The following CERKL variants were observed in gnomAD, a reference collection of about 807,000 sequenced individuals.
The protein encoded by CERKL is ceramide kinase-like protein.
Under a neutral mutation model 63.4 loss-of-function variants are expected in CERKL, and 61 were observed. That is an observed-to-expected ratio of 0.96 (90% CI 0.78 to 1.19). The LOEUF is 1.19. Ranked by LOEUF, CERKL falls within the 50% of genes most tolerant of loss-of-function variation. CERKL has a pLI of 0.00. For synonymous variants in CERKL, 250 were observed against 230.5 expected (o/e 1.08, Z -0.77); for missense variants, 675 against 655.5 (o/e 1.03, Z -0.33).
rs1373948657 is a variant in CERKL at position 181,537,937 on chromosome 2, CAT to C, written c.*245_*246del. 1.6e-6 allele frequency: 1 copy of C among 608,566 alleles called. No homozygotes were observed. The highest frequency in any genetic ancestry group is 2.1e-5 in the Admixed American group (1 of 47,042). The allele number at this position is 608,566 out of a possible 1,614,324, so 37.7% of individuals were successfully genotyped here. ...CAGATCAGCAGCAGCATTAGATTCT[CAT>C]AGAAGTGCGAACCATATGGTGAACT... On this transcript the variant is annotated 3_prime_UTR_variant, in exon 13 of 13. Coordinates refer to ENST00000410087, the MANE Select transcript of CERKL (RefSeq NM_201548.5).
intron 1 of CERKL, among the ~76,000 whole-genome samples, chr2:181,624,364 G>C (rs1686588693): frequency 7.0e-6 from 1 of 143,010 alleles, no homozygotes; most frequent in Non-Finnish European, 1.5e-5. Flanking sequence ...CCCATCTCTA[G>C]TAAAAGTTAA....
chr2:181,613,293 A>C (rs1278942702), intron 1 of CERKL, among the ~76,000 whole-genome samples: 1 of 152,202 alleles, frequency 6.6e-6, no homozygotes, highest in Non-Finnish European at 1.5e-5. Context: ...TAGGTGAACC[A>C]CAGTTCTGCC....
intron 3 of CERKL, among the ~76,000 whole-genome samples, chr2:181,569,465 C>A (rs1688806999): frequency 6.6e-6 from 1 of 152,034 alleles, no homozygotes; most frequent in Admixed American, 6.6e-5. Flanking sequence ...CCATAAACAA[C>A]CAGAGAAACA....
At chr2:181,612,866 T>C (rs1188995959) in intron 1 of CERKL, among the ~76,000 whole-genome samples, 1 of 152,094 alleles carries the variant, frequency 6.6e-6, no homozygotes, top group Non-Finnish European at 1.5e-5. Flanking sequence ...TAAGATATTA[T>C]AAAGAAAAAG....
chr2:181,548,617 G>A lies in CERKL; in HGVS notation c.1074-13C>T. On this transcript the variant is annotated splice_polypyrimidine_tract_variant and intron_variant, in intron 7 of 12. Coordinates refer to ENST00000410087, the MANE Select transcript of CERKL (RefSeq NM_201548.5). ...ACAGTCTTCTGCCCTAAAATGTAAT[G>A]AAATTTGTTATTAACAGTCATTGAA... The A allele has an allele frequency of 6.2e-7, 1 of 1,612,600 alleles. No individual in the cohort carries two copies. Among genetic ancestry groups the A allele is most frequent in the Non-Finnish European group, 8.5e-7 (1 of 1,178,872 alleles).
chr2:181,547,756 TC>T (rs1305381223), intron 9 of CERKL, 30 bp from the exon 10 acceptor site: 1 of 1,613,538 alleles, frequency 6.2e-7, no homozygotes, highest in East Asian at 2.2e-5. Context: ...TTGGTTATTT[TC>T]CCTCACCAGA....
intron 4 of CERKL, among the ~76,000 whole-genome samples, chr2:181,564,696 A>G (rs554720761): frequency 5.9e-5 from 9 of 152,296 alleles, no homozygotes; most frequent in Non-Finnish European, 7.4e-5. Context: ...AATATCTGTG[A>G]TATCTTTATT....
intron 2 of CERKL, among the ~76,000 whole-genome samples, chr2:181,589,315 T>A (rs528861717): frequency 8.1e-4 from 123 of 152,332 alleles, no homozygotes; most frequent in Middle Eastern, 6.8e-3. Context: ...CTTGCTGAAA[T>A]GAGTTCAAGA....
At chr2:181,544,578 T>C in intron 11 of CERKL, 122 bp downstream of exon 11, 1 of 625,586 alleles carries the variant, frequency 1.6e-6, no homozygotes, top group Non-Finnish European at 2.8e-6. Flanking sequence ...AAAAAGAAGA[T>C]TAATATATTC....
At chr2:181,545,188 A>ATT (rs1687667522) in intron 10 of CERKL, among the ~76,000 whole-genome samples, 2 of 152,258 alleles carry the variant, frequency 1.3e-5, no homozygotes, top group African/African-American at 4.8e-5. Flanking sequence ...TGTAACAAAT[A>ATT]GCTCAACATT....
chr2:181,608,586 T>C (rs1685822542), intron 1 of CERKL, among the ~76,000 whole-genome samples: 1 of 152,200 alleles, frequency 6.6e-6, no homozygotes, highest in South Asian at 2.1e-4. Flanking sequence ...CAATGTAAAA[T>C]ATCTTGTAAA....
chr2:181,537,040 T>C lies in CERKL; in HGVS notation c.*1144A>G, dbSNP rs1034629062. The C allele has an allele frequency of 6.7e-6, 3 of 444,700 alleles. No individual in the cohort carries two copies. The highest frequency in any genetic ancestry group is 1.4e-4 in the East Asian group (2 of 14,324). The allele number at this position is 444,700 out of a possible 1,614,324, so 27.5% of individuals were successfully genotyped here. A position where few individuals can be genotyped will look rare whatever the true frequency, so the allele number is the denominator to read the frequency against. ...AATGTTCTGAGATTTGCGAAGGCATTTGAGTAGTGAAATGTAAGCACAAAA... is the reference window on the plus strand; with the variant it reads ...AATGTTCTGAGATTTGCGAAGGCATCTGAGTAGTGAAATGTAAGCACAAAA... On this transcript the variant is annotated 3_prime_UTR_variant, in exon 13 of 13. Coordinates refer to ENST00000410087, the MANE Select transcript of CERKL (RefSeq NM_201548.5).
chr2:181,625,284 C>G (rs1332023105), intron 1 of CERKL, among the ~76,000 whole-genome samples: 2 of 151,370 alleles, frequency 1.3e-5, no homozygotes, highest in African/African-American at 4.9e-5. Context: ...GGGGTCAAGT[C>G]TGGCCACAGG....
At chr2:181,653,702 G>A (rs144441420) in intron 1 of CERKL, among the ~76,000 whole-genome samples, 1 of 152,266 alleles carries the variant, frequency 6.6e-6, no homozygotes, top group African/African-American at 2.4e-5. Flanking sequence ...ATTATAAAAG[G>A]TTGATATAGA....
intron 11 of CERKL, among the ~76,000 whole-genome samples, chr2:181,541,231 G>A (rs939913298): frequency 1.3e-5 from 2 of 152,214 alleles, no homozygotes; most frequent in African/African-American, 4.8e-5. Flanking sequence ...CATCGGGGAT[G>A]AACAGAGGAA....
At chr2:181,586,557 T>G (rs1374580828) in intron 2 of CERKL, among the ~76,000 whole-genome samples, 1 of 152,164 alleles carries the variant, frequency 6.6e-6, no homozygotes, top group Non-Finnish European at 1.5e-5. Flanking sequence ...TAATTCAACA[T>G]TAATATGCAA....
In CERKL at chr2:181,544,643, T is replaced by G. The variant is rs75425590; in HGVS notation, c.1365+57A>C. 2.5e-3 allele frequency: 2,542 copies of G among 1,003,366 alleles called. 47 individuals carry two copies. In the African/African-American group the frequency reaches 0.034, roughly 14 times the overall value. The allele number at this position is 1,003,366 out of a possible 1,614,324, so 62.2% of individuals were successfully genotyped here. On this transcript the variant is annotated intron_variant, in intron 11 of 12. Transcript: ENST00000410087. ...GGATTCGATGTCAATTCTTGCAGCA[T>G]CTTTTTCTACATGATTAATAGCTTT...
Position 181,547,838 on chromosome 2 carries a change from C to T in CERKL, c.1143G>A (p.Gln381=), listed in dbSNP as rs1574435800. 11 of 1,613,784 alleles carry T rather than the reference C, an allele frequency of 6.8e-6. No homozygotes were observed. The East Asian group carries it at 2.5e-4, about 36-fold the overall frequency. Residue 381 remains glutamine, a synonymous_variant, in exon 9 of 13, where the codon CAG becomes CAA. Coordinates refer to ENST00000410087, the MANE Select transcript of CERKL (RefSeq NM_201548.5). ...SSDDVQERRA[Q]GSPKSDCNDQ... Reference sequence around the variant, plus strand: ...TCGACTCACCAGATTTGGGAGATCCCTGTGCCCTCCTAAAAGAAAGAAAAC... The same window carrying T: ...TCGACTCACCAGATTTGGGAGATCCTTGTGCCCTCCTAAAAGAAAGAAAAC...
In CERKL at chr2:181,576,442, T is replaced by C. The variant is rs1234075618; in HGVS notation, c.482-2558A>G. 2.6e-5 allele frequency among the ~76,000 whole-genome samples: 4 copies of C among 152,246 alleles called. No homozygotes were observed. The East Asian group carries it at 7.7e-4, about 29-fold the overall frequency. ...TCTTGATTGGGTTTTTAAAATATCA[T>C]GCAGGACAATATTGCTGTCCTTTAA... On this transcript the variant is annotated intron_variant, in intron 2 of 12. Coordinates refer to ENST00000410087, the MANE Select transcript of CERKL (RefSeq NM_201548.5).
Sources: allele counts gnomAD v4.1 joint callset (sites outside exome capture counted in the v4.1 genomes callset), GRCh38; gene constraint gnomAD v4.1.1; transcripts MANE v1.5; gene names NCBI Gene and HGNC (gene_info 2026-07-23, HGNC 2026-07-21).